The following ELF1 variants were observed in gnomAD, a reference collection of about 807,000 sequenced individuals.
The protein encoded by ELF1 is E74 like ETS transcription factor 1.
In ELF1, 24 loss-of-function variants were observed where a neutral mutation model predicts 59.9. That is an observed-to-expected ratio of 0.40 (90% CI 0.29 to 0.56). The LOEUF (loss-of-function observed/expected upper bound fraction) is 0.56, where lower values mean the gene tolerates loss of function less well. Among genes scored for constraint, ELF1 ranks in the 20% least tolerant of loss-of-function variants. The pLI, the probability that ELF1 is intolerant of heterozygous loss-of-function variation, is 0.44. For synonymous variants in ELF1, 248 were observed against 266.2 expected, an observed-to-expected ratio of 0.93 and a Z score of 0.67; for missense variants, 627 against 742.2, an observed-to-expected ratio of 0.84 and a Z score of 1.80.
At chr13:40,988,786 A>G (rs1008254926) in intron 1 of ELF1, among the ~76,000 whole-genome samples, 1 of 152,260 alleles carries the variant, frequency 6.6e-6, no homozygotes, top group South Asian at 2.1e-4. Flanking sequence ...ATTTGTACTG[A>G]TATTTTTCTC....
At chr13:41,013,262 C>T (rs1875180065) in intron 1 of ELF1, among the ~76,000 whole-genome samples, 1 of 152,170 alleles carries the variant, frequency 6.6e-6, no homozygotes, top group Non-Finnish European at 1.5e-5. Flanking sequence ...CTTCACATCC[C>T]TCAATGTGAA....
At chr13:40,947,668 TATAGA>T (rs1215710945) in intron 5 of ELF1, among the ~76,000 whole-genome samples, 1 of 152,180 alleles carries the variant, frequency 6.6e-6, no homozygotes, top group Non-Finnish European at 1.5e-5. Flanking sequence ...CAGAAGCTCT[TATAGA>T]ATTGCTCAGG....
chr13:40,996,072 C>T (rs368038724), intron 1 of ELF1, among the ~76,000 whole-genome samples: 2 of 152,240 alleles, frequency 1.3e-5, no homozygotes, highest in East Asian at 1.9e-4. Flanking sequence ...AAAAGAAGCC[C>T]CACACCATAT....
At chr13:40,986,845 G>C (rs1264083474) in intron 1 of ELF1, among the ~76,000 whole-genome samples, 1 of 151,498 alleles carries the variant, frequency 6.6e-6, no homozygotes, top group Non-Finnish European at 1.5e-5. Flanking sequence ...ATCACTGATT[G>C]AATGTAAATT....
At chr13:41,046,802 T>C (rs1413730666) in intron 1 of ELF1, among the ~76,000 whole-genome samples, 3 of 152,196 alleles carry the variant, frequency 2.0e-5, no homozygotes, top group African/African-American at 7.2e-5. Flanking sequence ...TGTGGTGTTC[T>C]CTGTATTTCC....
At chr13:40,982,388 G>A (rs1280892485) in intron 1 of ELF1, 106 bp from the exon 2 acceptor site, 6 of 727,422 alleles carry the variant, frequency 8.2e-6, no homozygotes, top group African/African-American at 1.9e-5. Context: ...TATTATTAAC[G>A]TTTTTAAATA....
chr13:40,967,846 G>T (rs1256587739), intron 2 of ELF1, among the ~76,000 whole-genome samples: 1 of 152,006 alleles, frequency 6.6e-6, no homozygotes, highest in African/African-American at 2.4e-5. Context: ...TCCTGCCTCG[G>T]CCTCCCAAAG....
chr13:41,031,214 T>C (rs918724401), intron 1 of ELF1, among the ~76,000 whole-genome samples: 5 of 151,958 alleles, frequency 3.3e-5, no homozygotes, highest in African/African-American at 9.7e-5. Flanking sequence ...GTACCTTTAC[T>C]ATCTAGAACA....
chr13:41,023,500 T>G (rs554856008), upstream of ELF1, among the ~76,000 whole-genome samples: 7 of 152,244 alleles, frequency 4.6e-5, no homozygotes, highest in Admixed American at 2.0e-4. Flanking sequence ...TTGAGTGTTA[T>G]GAATCTTTCA....
intron 5 of ELF1, 90 bp downstream of exon 5, chr13:40,949,716 G>T: frequency 7.1e-7 from 1 of 1,401,812 alleles, no homozygotes; most frequent in Non-Finnish European, 9.6e-7. Flanking sequence ...AGTTTTAACT[G>T]CAGCAGGAAA....
Position 41,037,664 on chromosome 13 carries a change from C to T in ELF1, c.-229+23174G>A, listed in dbSNP as rs573930921. Among the ~76,000 whole-genome samples, 7 of 151,896 alleles carry T rather than the reference C, an allele frequency of 4.6e-5. No individual in the cohort carries two copies. The East Asian group carries it at 1.4e-3, about 29-fold the overall frequency. The stretch of plus-strand genomic sequence containing the variant: ...TACAAAAATTAGCCGGGCATGGTGG[C>T]GCATGCCTGTAGTCCCAGCTACTAG... On this transcript the variant is annotated intron_variant, in intron 1 of 1. Coordinates refer to the ELF1 transcript ENST00000405737.
At chr13:40,963,646 C>A (rs576092257) in intron 2 of ELF1, among the ~76,000 whole-genome samples, 8 of 152,202 alleles carry the variant, frequency 5.3e-5, no homozygotes, top group Non-Finnish European at 1.2e-4. Flanking sequence ...CAGTGGCTCA[C>A]GCCTGTAATC....
intron 1 of ELF1, among the ~76,000 whole-genome samples, chr13:41,018,511 G>A (rs1875550521): frequency 6.6e-6 from 1 of 152,112 alleles, no homozygotes; most frequent in South Asian, 2.1e-4. Context: ...TTTTCAGTGT[G>A]AATTATAAAA....
chr13:41,037,000 T>C (rs937276028), intron 1 of ELF1, among the ~76,000 whole-genome samples: 2 of 152,086 alleles, frequency 1.3e-5, no homozygotes, highest in Non-Finnish European at 2.9e-5. Flanking sequence ...ATATACCTAA[T>C]GTAAATGACG....
chr13:40,985,895 G>T (rs1397850165), intron 1 of ELF1, among the ~76,000 whole-genome samples: 2 of 151,996 alleles, frequency 1.3e-5, no homozygotes, highest in African/African-American at 4.8e-5. Flanking sequence ...TTTTCAAAGT[G>T]TCAGTCTTTA....
intron 1 of ELF1, among the ~76,000 whole-genome samples, chr13:41,008,957 AC>A (rs1274309952): frequency 2.1e-4 from 31 of 151,052 alleles, no homozygotes; most frequent in African/African-American, 7.0e-4. Flanking sequence ...TCTTTTTTGC[AC>A]TTTTTTTTTT....
At chr13:40,936,234 C>T (rs909831732) in intron 8 of ELF1, among the ~76,000 whole-genome samples, 21 of 152,146 alleles carry the variant, frequency 1.4e-4, no homozygotes, top group African/African-American at 4.3e-4. Flanking sequence ...AACAGACTGC[C>T]GCCACTTAAG....
intron 1 of ELF1, among the ~76,000 whole-genome samples, chr13:40,988,560 A>G (rs975557262): frequency 6.6e-6 from 1 of 152,190 alleles, no homozygotes. Context: ...ATTTTCAACC[A>G]TATTTTTAAC....
chr13:41,060,897 G>C, exon 1 of ELF1: 1 of 346,732 alleles, frequency 2.9e-6, no homozygotes, highest in Non-Finnish European at 5.6e-6. Context: ...CCGCCTCTGC[G>C]CTACTGAAGC....
Sources: gnomAD v4.1 joint callset for allele counts (sites outside exome capture counted in the v4.1 genomes callset) on GRCh38, gnomAD v4.1.1 for gene constraint, MANE v1.5 for transcripts, NCBI Gene and HGNC (gene_info 2026-07-23, HGNC 2026-07-21) for gene names.